Variants in MEIKIN observed in about 807,000 individuals in gnomAD.
MEIKIN encodes meiotic kinetochore factor.
intron 9 of MEIKIN, among the ~76,000 whole-genome samples, chr5:131,873,005 A>C (rs1235508743): frequency 5.9e-5 from 9 of 152,230 alleles, no homozygotes; most frequent in African/African-American, 7.2e-5. Context: ...GAAGCACTAA[A>C]CATGGAAAGG....
At chr5:131,895,301 T>C (rs912722253) in intron 8 of MEIKIN, among the ~76,000 whole-genome samples, 2 of 152,246 alleles carry the variant, frequency 1.3e-5, no homozygotes, top group African/African-American at 4.8e-5. Flanking sequence ...AGTATTTTAC[T>C]GAGGATTTTC....
At chr5:131,844,993 G>C (rs985961023) in intron 11 of MEIKIN, among the ~76,000 whole-genome samples, 2 of 152,168 alleles carry the variant, frequency 1.3e-5, no homozygotes. Context: ...AAAGTTGGCT[G>C]GGTGCGGTGG....
chr5:131,887,322 G>A (rs960318639), intron 8 of MEIKIN, among the ~76,000 whole-genome samples: 2 of 152,144 alleles, frequency 1.3e-5, no homozygotes, highest in African/African-American at 4.8e-5. Context: ...TGTCTTTATA[G>A]TAGCATGATT....
At chr5:131,894,298 G>A (rs1472894458) in intron 8 of MEIKIN, among the ~76,000 whole-genome samples, 2 of 152,320 alleles carry the variant, frequency 1.3e-5, no homozygotes, top group East Asian at 1.9e-4. Context: ...TTTGGTTACT[G>A]TAGCCTTGTA....
intron 3 of MEIKIN, among the ~76,000 whole-genome samples, chr5:131,942,994 T>C (rs1051084922): frequency 1.3e-5 from 2 of 152,112 alleles, no homozygotes; most frequent in African/African-American, 4.8e-5. Context: ...TCTGGTTCCC[T>C]AGTGGGGAGG....
intron 6 of MEIKIN, among the ~76,000 whole-genome samples, chr5:131,918,759 T>C (rs563851243): frequency 6.6e-6 from 1 of 152,284 alleles, no homozygotes; most frequent in South Asian, 2.1e-4. Flanking sequence ...GGGAAAGCTT[T>C]TCTTCTTCCA....
At chr5:131,877,445 C>T (rs546979041) in intron 9 of MEIKIN, among the ~76,000 whole-genome samples, 2 of 152,044 alleles carry the variant, frequency 1.3e-5, no homozygotes, top group East Asian at 1.9e-4. Context: ...GAGTTCAAGG[C>T]CAGCCTGAGC....
chr5:131,832,012 C>A (rs1262676725), intron 11 of MEIKIN, among the ~76,000 whole-genome samples: 1 of 152,062 alleles, frequency 6.6e-6, no homozygotes, highest in East Asian at 1.9e-4. Context: ...CCACCCCTGG[C>A]CCCTCCAAAT....
chr5:131,857,625 C>A (rs1226773312), intron 9 of MEIKIN, among the ~76,000 whole-genome samples: 1 of 152,200 alleles, frequency 6.6e-6, no homozygotes, highest in African/African-American at 2.4e-5. Flanking sequence ...GCAGACCATG[C>A]CTCACCGTCA....
intron 11 of MEIKIN, among the ~76,000 whole-genome samples, chr5:131,829,129 G>A (rs933717884): frequency 6.6e-6 from 1 of 152,056 alleles, no homozygotes; most frequent in African/African-American, 2.4e-5. Context: ...TTATAAAGGA[G>A]CAGAAATCAA....
At chr5:131,827,525 T>C (rs1749635628) in intron 11 of MEIKIN, among the ~76,000 whole-genome samples, 1 of 151,522 alleles carries the variant, frequency 6.6e-6, no homozygotes, top group East Asian at 1.9e-4. Context: ...AATAAAAGGG[T>C]AGAAAAAGAT....
intron 5 of MEIKIN, among the ~76,000 whole-genome samples, chr5:131,924,269 A>C (rs1751554235): frequency 6.6e-6 from 1 of 152,178 alleles, no homozygotes; most frequent in Non-Finnish European, 1.5e-5. Context: ...GCTACTGTGA[A>C]TAATGCTGCA....
At chr5:131,820,302 GACCTCAGATGATC>G (rs1375830732) in intron 11 of MEIKIN, among the ~76,000 whole-genome samples, 1 of 150,628 alleles carries the variant, frequency 6.6e-6, no homozygotes, top group African/African-American at 2.4e-5. Context: ...TCGAACTCCT[GACCTCAGATGATC>G]ACCTCAGGTG....
chr5:131,819,762 G>GCTTTTT (rs1290123413), intron 11 of MEIKIN, among the ~76,000 whole-genome samples: 2 of 124,250 alleles, frequency 1.6e-5, no homozygotes, highest in African/African-American at 7.4e-5. Context: ...ACTACATCCA[G>GCTTTTT]CTATTTTTTT....
intron 12 of MEIKIN, among the ~76,000 whole-genome samples, chr5:131,817,388 G>A (rs939148463): frequency 9.9e-5 from 15 of 152,054 alleles, no homozygotes; most frequent in African/African-American, 3.6e-4. Context: ...AAGGCAGGCA[G>A]ATCACAAGGT....
intron 8 of MEIKIN, among the ~76,000 whole-genome samples, chr5:131,897,591 C>A (rs577512681): frequency 6.6e-6 from 1 of 152,062 alleles, no homozygotes; most frequent in African/African-American, 2.4e-5. Context: ...TGTTCCTTTT[C>A]ATTCCTTTTC....
intron 9 of MEIKIN, among the ~76,000 whole-genome samples, chr5:131,865,577 G>A (rs763676890): frequency 1.3e-5 from 2 of 152,176 alleles, no homozygotes; most frequent in African/African-American, 2.4e-5. Context: ...CTTTGCAGGT[G>A]TCATATTTCC....
At chr5:131,872,545 G>C (rs1388410491) in intron 9 of MEIKIN, among the ~76,000 whole-genome samples, 3 of 152,206 alleles carry the variant, frequency 2.0e-5, no homozygotes, top group Admixed American at 6.5e-5. Context: ...AAGTGACGGG[G>C]AGAATGGAAC....
chr5:131,921,980 A>G (rs1434020709), intron 5 of MEIKIN, 39 bp from the exon 6 acceptor site: 1 of 398,484 alleles, frequency 2.5e-6, no homozygotes, highest in Non-Finnish European at 4.4e-6. Flanking sequence ...GACTTTGAAC[A>G]ACAGCCTACA....
Sources: allele counts gnomAD v4.1 joint callset (sites outside exome capture counted in the v4.1 genomes callset), GRCh38; gene constraint gnomAD v4.1.1; transcripts MANE v1.5; gene names NCBI Gene and HGNC (gene_info 2026-07-23, HGNC 2026-07-21).